EXOC6B: variants seen among roughly 807,000 people sequenced by gnomAD.
EXOC6B encodes the protein exocyst complex component 6B.
In EXOC6B, 54 loss-of-function variants were observed where a neutral mutation model predicts 113.5. The ratio of observed to expected loss-of-function variants is 0.48; its 90% CI spans 0.38 to 0.60. EXOC6B has a LOEUF of 0.60. Ranked by LOEUF, EXOC6B falls within the 20% of genes least tolerant of loss-of-function variation. EXOC6B has a pLI of 0.00. For synonymous variants in EXOC6B, 357 were observed against 339.0 expected (o/e 1.05, Z -0.58); for missense variants, 797 against 977.5 (o/e 0.82, Z 2.46).
chr2:72,246,390 T>C (rs993476823), intron 20 of EXOC6B, among the ~76,000 whole-genome samples: 1 of 152,196 alleles, frequency 6.6e-6, no homozygotes, highest in African/African-American at 2.4e-5. Flanking sequence ...GGAGGACCTA[T>C]AGTTTTCATT....
At chr2:72,399,019 A>AG (rs1166279924) in intron 18 of EXOC6B, among the ~76,000 whole-genome samples, 2 of 151,728 alleles carry the variant, frequency 1.3e-5, no homozygotes, top group Non-Finnish European at 2.9e-5. Flanking sequence ...GAAAAAAAAA[A>AG]AAAGAAAAAA....
intron 18 of EXOC6B, chr2:72,461,951 TATC>T (rs1308293090): frequency 6.6e-6 from 1 of 152,120 alleles, no homozygotes; most frequent in Non-Finnish European, 1.5e-5. Context: ...ATGTTCATGT[TATC>T]ATTTTTTACC....
chr2:72,243,215 T>G (rs4368357), intron 20 of EXOC6B, among the ~76,000 whole-genome samples: 1 of 152,090 alleles, frequency 6.6e-6, no homozygotes, highest in Non-Finnish European at 1.5e-5. Context: ...ACTAGAAATA[T>G]CATTTGACCC....
At chr2:72,638,952 G>A (rs1673040320) in intron 6 of EXOC6B, among the ~76,000 whole-genome samples, 2 of 152,114 alleles carry the variant, frequency 1.3e-5, no homozygotes, top group Admixed American at 6.5e-5. Context: ...CTCCTTGCAG[G>A]GCAACCTCAG....
At chr2:72,325,688 C>T (rs780878107) in intron 20 of EXOC6B, among the ~76,000 whole-genome samples, 8 of 151,926 alleles carry the variant, frequency 5.3e-5, no homozygotes, top group Non-Finnish European at 1.0e-4. Context: ...CCAGAAGCAA[C>T]CTGATTCCTG....
At chr2:72,395,139 G>A (rs993622306) in intron 18 of EXOC6B, among the ~76,000 whole-genome samples, 2 of 152,096 alleles carry the variant, frequency 1.3e-5, no homozygotes, top group Admixed American at 1.3e-4. Flanking sequence ...ATGTGACAAA[G>A]CAAGAGTATT....
chr2:72,516,082 C>G (rs1356247337), intron 8 of EXOC6B, among the ~76,000 whole-genome samples: 1 of 152,100 alleles, frequency 6.6e-6, no homozygotes, highest in Non-Finnish European at 1.5e-5. Context: ...CCTTATCATG[C>G]CTTGAGTTTG....
At chr2:72,217,462 T>TA (rs1470717851) in intron 20 of EXOC6B, among the ~76,000 whole-genome samples, 1 of 151,986 alleles carries the variant, frequency 6.6e-6, no homozygotes, top group African/African-American at 2.4e-5. Flanking sequence ...AGCTAGTATT[T>TA]AAAAAAAGGT....
chr2:72,196,581 A>C (rs1679181977), intron 20 of EXOC6B, among the ~76,000 whole-genome samples: 1 of 152,224 alleles, frequency 6.6e-6, no homozygotes, highest in Non-Finnish European at 1.5e-5. Flanking sequence ...GTTTCAGCAA[A>C]GAAGCATTAG....
rs1682499118 is a variant in EXOC6B at position 72,757,614 on chromosome 2, G to A, written c.114-16145C>T. 2.6e-5 allele frequency among the ~76,000 whole-genome samples: 4 copies of A among 152,184 alleles called. No homozygotes were observed. The South Asian group carries it at 8.3e-4, about 32-fold the overall frequency. On this transcript the variant is annotated intron_variant, in intron 1 of 21. Coordinates refer to ENST00000272427, the MANE Select transcript of EXOC6B (RefSeq NM_015189.3). ...GTTTGTCCCAGTTTTCCTCATGTGG[G>A]CCCATGATTTTCATAGCATGTACAC...
At chr2:72,492,963 CTTTAA>C (rs757806980) in intron 15 of EXOC6B, among the ~76,000 whole-genome samples, 1 of 152,104 alleles carries the variant, frequency 6.6e-6, no homozygotes, top group Non-Finnish European at 1.5e-5. Flanking sequence ...CTCTCAGCCA[CTTTAA>C]TTTAAAGTAT....
chr2:72,225,707 T>C (rs1231959086), intron 20 of EXOC6B, among the ~76,000 whole-genome samples: 1 of 152,200 alleles, frequency 6.6e-6, no homozygotes, highest in Non-Finnish European at 1.5e-5. Flanking sequence ...CTTTTTATCA[T>C]GGCATACTAA....
chr2:72,385,651 C>A (rs1040960029), intron 18 of EXOC6B, among the ~76,000 whole-genome samples: 3 of 151,960 alleles, frequency 2.0e-5, no homozygotes, highest in Non-Finnish European at 4.4e-5. Context: ...ATAAGGAACT[C>A]AAACTCAATG....
chr2:72,751,185 C>T (rs542831646), intron 1 of EXOC6B, among the ~76,000 whole-genome samples: 8 of 152,214 alleles, frequency 5.3e-5, no homozygotes, highest in Middle Eastern at 3.4e-3. Context: ...GTCCTGATGA[C>T]ATGTGCCCAA....
intron 1 of EXOC6B, among the ~76,000 whole-genome samples, chr2:72,810,988 C>G (rs1042564719): frequency 4.0e-5 from 6 of 151,780 alleles, no homozygotes; most frequent in African/African-American, 1.5e-4. Context: ...TTCCAGTGAA[C>G]CGAGATCACA....
intron 6 of EXOC6B, among the ~76,000 whole-genome samples, chr2:72,692,574 A>T (rs1677570700): frequency 6.6e-6 from 1 of 152,084 alleles, no homozygotes. Flanking sequence ...GATGGTCTCC[A>T]TCTCCTGACC....
At chr2:72,717,743 A>G (rs192103807) in intron 6 of EXOC6B, among the ~76,000 whole-genome samples, 1 of 152,304 alleles carries the variant, frequency 6.6e-6, no homozygotes, top group Admixed American at 6.5e-5. Flanking sequence ...TAATCAGCCA[A>G]AGACACATGC....
chr2:72,822,048 T>G (rs1686611689), intron 1 of EXOC6B, among the ~76,000 whole-genome samples: 1 of 152,202 alleles, frequency 6.6e-6, no homozygotes, highest in Admixed American at 6.5e-5. Context: ...ACAATTAGAC[T>G]GAATGTTAAT....
chr2:72,803,706 T>C (rs893794828), intron 1 of EXOC6B, among the ~76,000 whole-genome samples: 4 of 152,192 alleles, frequency 2.6e-5, no homozygotes, highest in African/African-American at 7.2e-5. Flanking sequence ...AGAGTTCTCA[T>C]TTAGTTTTGA....
Sources: gnomAD v4.1 joint callset for allele counts (sites outside exome capture counted in the v4.1 genomes callset) on GRCh38, gnomAD v4.1.1 for gene constraint, MANE v1.5 for transcripts, NCBI Gene and HGNC (gene_info 2026-07-23, HGNC 2026-07-21) for gene names.